CFAP61: variants seen among roughly 807,000 people sequenced by gnomAD.
CFAP61 encodes cilia- and flagella-associated protein 61.
A neutral mutation model predicts 135.6 loss-of-function variants in CFAP61; 107 were observed. The ratio of observed to expected loss-of-function variants is 0.79; its 90% CI spans 0.67 to 0.93. The LOEUF (loss-of-function observed/expected upper bound fraction) is 0.93. CFAP61 is among the 40% of genes least tolerant of loss of function. The pLI, the probability that CFAP61 is intolerant of heterozygous loss-of-function variation, is 0.00. For synonymous variants in CFAP61, 575 were observed against 578.5 expected (o/e 0.99, Z 0.09); for missense variants, 1,507 against 1,556.2 (o/e 0.97, Z 0.53).
intron 17 of CFAP61, among the ~76,000 whole-genome samples, chr20:20,201,457 C>T (rs984121478): frequency 2.0e-5 from 3 of 152,208 alleles, no homozygotes; most frequent in Non-Finnish European, 2.9e-5. Context: ...AGGTCACAGG[C>T]ATATTCTTAA....
intron 8 of CFAP61, among the ~76,000 whole-genome samples, chr20:20,136,726 CTGGGATTGG>C (rs1250575654): frequency 1.3e-5 from 2 of 152,250 alleles, no homozygotes; most frequent in African/African-American, 4.8e-5. Flanking sequence ...CTCTGTCTCT[CTGGGATTGG>C]TCCCTGGTGC....
intron 14 of CFAP61, 131 bp from the exon 15 acceptor site, chr20:20,191,211 G>C (rs1389235930): frequency 1.7e-6 from 1 of 580,964 alleles, no homozygotes; most frequent in African/African-American, 1.9e-5. Flanking sequence ...TTACTACCTG[G>C]CCAAAAGTAG....
Position 20,250,604 on chromosome 20 carries a change from T to A in CFAP61, c.2160-991T>A, listed in dbSNP as rs944886942. Among the ~76,000 whole-genome samples, 6 of 152,096 alleles carry A rather than the reference T, an allele frequency of 3.9e-5. 1 individual carries two copies. Among genetic ancestry groups the A allele is most frequent in the Admixed American group, 2.6e-4 (4 of 15,280 alleles). Reference sequence around the variant, plus strand: ...TTTCTAAAAATAAATAATAAATAGATGAATAAATAAAAATGTTAGTGTTTT... The same window carrying A: ...TTTCTAAAAATAAATAATAAATAGAAGAATAAATAAAAATGTTAGTGTTTT... On this transcript the variant is annotated intron_variant, in intron 19 of 26. Transcript: ENST00000245957.
chr20:20,055,949 G>A, intron 1 of CFAP61: 1 of 1,607,490 alleles, frequency 6.2e-7, no homozygotes. Flanking sequence ...GTGACCTACT[G>A]TTTTTGTCAA....
At position 20,138,431 on chromosome 20, in the gene CFAP61, G is replaced by C. The variant is rs114083019; in HGVS notation, c.860-4426G>C. 1.0e-3 allele frequency among the ~76,000 whole-genome samples: 157 copies of C among 151,730 alleles called. 3 individuals carry two copies. The highest frequency in any genetic ancestry group is 3.7e-3 in the African/African-American group (150 of 41,022). ...GATGGGTGATTCCCATCTGGCTAGG[G>C]CTGATGCAAATGCTCCCTCTTGGGG... On this transcript the variant is annotated intron_variant, in intron 8 of 26. Transcript: ENST00000245957.
intron 2 of CFAP61, among the ~76,000 whole-genome samples, chr20:20,064,997 A>C (rs1435414084): frequency 1.3e-5 from 2 of 152,164 alleles, no homozygotes; most frequent in African/African-American, 4.8e-5. Flanking sequence ...AGACAGATGG[A>C]CCAGGATAGA....
intron 22 of CFAP61, among the ~76,000 whole-genome samples, chr20:20,279,924 C>G (rs998482688): frequency 6.6e-6 from 1 of 152,062 alleles, no homozygotes; most frequent in African/African-American, 2.4e-5. Context: ...GTAGGTATCT[C>G]TCATACTGTC....
intron 26 of CFAP61, 86 bp from the exon 27 acceptor site, chr20:20,360,124 T>C: frequency 1.0e-6 from 1 of 1,003,950 alleles, no homozygotes; most frequent in Admixed American, 1.9e-5. Flanking sequence ...AGCTGACTAC[T>C]GTTGTTTTCA....
At chr20:20,279,861 T>C (rs1436144479) in intron 22 of CFAP61, among the ~76,000 whole-genome samples, 2 of 152,190 alleles carry the variant, frequency 1.3e-5, no homozygotes, top group East Asian at 3.9e-4. Flanking sequence ...CATCTCTATT[T>C]GAACAATAGT....
intron 9 of CFAP61, among the ~76,000 whole-genome samples, chr20:20,153,190 A>C (rs1013579589): frequency 6.6e-6 from 1 of 152,208 alleles, no homozygotes; most frequent in African/African-American, 2.4e-5. Flanking sequence ...TAGTGACACA[A>C]TTTATCAAAA....
rs775313973 is a variant in CFAP61 at position 20,164,130 on chromosome 20, A to T, written c.1107A>T (p.Val369=). The T allele has an allele frequency of 8.7e-6, 14 of 1,613,990 alleles. No individual in the cohort carries two copies. The highest frequency in any genetic ancestry group is 1.2e-5 in the Non-Finnish European group (14 of 1,179,982). The stretch of plus-strand genomic sequence containing the variant: ...GCAGTAGGAGCTTGGCATCGCTCGT[A>T]CTGCCTGAAGAGCCCGTCCACTTCC... ...HVSSRSLASL[V]LPEEPVHFRP... Residue 369 remains valine (V), a synonymous_variant, in exon 11 of 27, where the codon GTA becomes GTT. Coordinates refer to ENST00000245957, the MANE Select transcript of CFAP61 (RefSeq NM_015585.4).
At chr20:20,206,064 G>A (rs746312360) in intron 17 of CFAP61, among the ~76,000 whole-genome samples, 4 of 152,270 alleles carry the variant, frequency 2.6e-5, no homozygotes, top group Non-Finnish European at 5.9e-5. Context: ...TGTGGAAATT[G>A]TTGAGTAACT....
At chr20:20,103,559 T>C (rs1214891594) in intron 8 of CFAP61, among the ~76,000 whole-genome samples, 1 of 152,234 alleles carries the variant, frequency 6.6e-6, no homozygotes, top group Admixed American at 6.5e-5. Context: ...AAGGGCTTTC[T>C]GCTTGTGTGG....
At chr20:20,199,443 AGCTGAT>A (rs1473698395) in intron 16 of CFAP61, among the ~76,000 whole-genome samples, 1 of 152,230 alleles carries the variant, frequency 6.6e-6, no homozygotes, top group African/African-American at 2.4e-5. Context: ...GGTCAGATCA[AGCTGAT>A]GCATGATCAC....
At chr20:20,102,475 CAT>C (rs1449224072) in intron 8 of CFAP61, among the ~76,000 whole-genome samples, 2 of 152,248 alleles carry the variant, frequency 1.3e-5, no homozygotes, top group Admixed American at 6.5e-5. Context: ...GGTGATAACA[CAT>C]GTGTTGTTGT....
rs570388229 is a variant in CFAP61, at chr20:20,082,853, C to T, written c.566+7238C>T. 2.3e-4 allele frequency among the ~76,000 whole-genome samples: 35 copies of T among 152,182 alleles called. 1 individual carries two copies. Among genetic ancestry groups the T allele is most frequent in the African/African-American group, 8.2e-4 (34 of 41,512 alleles). Reference sequence around the variant, plus strand: ...AAAGTCAAAAAACAGCAGATGTTGGCATGGATGTGGTGAAAAAGAACACTT... The same window carrying T: ...AAAGTCAAAAAACAGCAGATGTTGGTATGGATGTGGTGAAAAAGAACACTT... On this transcript the variant is annotated intron_variant, in intron 6 of 26. Transcript: ENST00000245957.
At chr20:20,306,073 T>G (rs1043725205) in intron 25 of CFAP61, among the ~76,000 whole-genome samples, 1 of 152,230 alleles carries the variant, frequency 6.6e-6, no homozygotes, top group Non-Finnish European at 1.5e-5. Context: ...TAGGGGTCTT[T>G]TTTAGCATAT....
chr20:20,112,710 T>C (rs2048881487), intron 8 of CFAP61, among the ~76,000 whole-genome samples: 1 of 152,214 alleles, frequency 6.6e-6, no homozygotes, highest in African/African-American at 2.4e-5. Flanking sequence ...CTGTGGCTGC[T>C]GATTGTTCGA....
chr20:20,092,888 T>C (rs999652313), intron 7 of CFAP61, among the ~76,000 whole-genome samples: 2 of 152,202 alleles, frequency 1.3e-5, no homozygotes, highest in African/African-American at 4.8e-5. Flanking sequence ...CCATTGCTGG[T>C]AGGAATATAA....
Sources: gnomAD v4.1 joint callset for allele counts (sites outside exome capture counted in the v4.1 genomes callset) on GRCh38, gnomAD v4.1.1 for gene constraint, MANE v1.5 for transcripts, NCBI Gene and HGNC (gene_info 2026-07-23, HGNC 2026-07-21) for gene names.